Variants in LRRC4C observed in about 807,000 individuals in gnomAD.
LRRC4C encodes leucine rich repeat containing 4C, also known as leucine-rich repeat-containing protein 4C.
In LRRC4C, 5 loss-of-function variants were observed where a neutral mutation model predicts 33.6. That is an observed-to-expected ratio of 0.15 (90% CI 0.08 to 0.31). LRRC4C has a LOEUF of 0.31. Among genes scored for constraint, LRRC4C ranks in the 10% least tolerant of loss-of-function variants. LRRC4C has a pLI of 1.00. For missense variants in LRRC4C, 560 were observed against 796.7 expected, an observed-to-expected ratio of 0.70 and a Z score of 3.58; for synonymous variants, 329 against 302.0, an observed-to-expected ratio of 1.09 and a Z score of -0.93.
At chr11:40,471,386 G>T (rs1952927051) in intron 3 of LRRC4C, among the ~76,000 whole-genome samples, 1 of 152,096 alleles carries the variant, frequency 6.6e-6, no homozygotes, top group African/African-American at 2.4e-5. Context: ...CCTAAAGGAA[G>T]CACTAAATAT....
At chr11:41,050,754 G>A (rs549166418) in intron 1 of LRRC4C, among the ~76,000 whole-genome samples, 1 of 152,188 alleles carries the variant, frequency 6.6e-6, no homozygotes, top group African/African-American at 2.4e-5. Context: ...GTAAACATAC[G>A]TGTGCATGTG....
At chr11:41,367,726 G>T (rs1335728171) in intron 1 of LRRC4C, among the ~76,000 whole-genome samples, 1 of 152,012 alleles carries the variant, frequency 6.6e-6, no homozygotes, top group Non-Finnish European at 1.5e-5. Context: ...TCTGACTGAA[G>T]CATGCATTCT....
At chr11:41,253,524 C>A (rs1252795484) in intron 1 of LRRC4C, among the ~76,000 whole-genome samples, 1 of 152,050 alleles carries the variant, frequency 6.6e-6, no homozygotes, top group African/African-American at 2.4e-5. Context: ...TTTACAAGAA[C>A]CACTGTGATA....
chr11:41,237,041 G>A (rs1948055115), intron 1 of LRRC4C, among the ~76,000 whole-genome samples: 1 of 152,196 alleles, frequency 6.6e-6, no homozygotes, highest in Non-Finnish European at 1.5e-5. Context: ...TACAGTGCTT[G>A]CTCATAAAGA....
At chr11:40,283,844 A>G (rs1420658288) in intron 4 of LRRC4C, among the ~76,000 whole-genome samples, 1 of 151,836 alleles carries the variant, frequency 6.6e-6, no homozygotes, top group Non-Finnish European at 1.5e-5. Context: ...TGCTGGGACT[A>G]TAGGCACGTG....
intron 2 of LRRC4C, among the ~76,000 whole-genome samples, chr11:40,808,628 C>T (rs770563682): frequency 2.0e-5 from 3 of 152,172 alleles, no homozygotes; most frequent in Non-Finnish European, 2.9e-5. Flanking sequence ...ACTGCCCTGA[C>T]TTGCCTCACT....
intron 3 of LRRC4C, among the ~76,000 whole-genome samples, chr11:40,361,224 T>C (rs970192339): frequency 1.3e-5 from 2 of 152,208 alleles, no homozygotes; most frequent in Non-Finnish European, 2.9e-5. Flanking sequence ...CTATTTAACA[T>C]AGTATTGGAA....
chr11:40,783,542 C>CA (rs943363527), intron 2 of LRRC4C, among the ~76,000 whole-genome samples: 3 of 151,594 alleles, frequency 2.0e-5, no homozygotes, highest in African/African-American at 7.3e-5. Flanking sequence ...CCCCTGACCT[C>CA]AAGTGATCTA....
At chr11:40,328,132 T>C (rs997911463) in intron 3 of LRRC4C, among the ~76,000 whole-genome samples, 1 of 152,178 alleles carries the variant, frequency 6.6e-6, no homozygotes, top group Admixed American at 6.5e-5. Context: ...TGAGAACATT[T>C]ATACCCAAAC....
chr11:40,789,324 C>T (rs879059060), intron 2 of LRRC4C, among the ~76,000 whole-genome samples: 1 of 152,096 alleles, frequency 6.6e-6, no homozygotes, highest in Admixed American at 6.5e-5. Context: ...AGTTGAGTTT[C>T]TCTTCATTGA....
At chr11:41,279,216 G>A (rs1279141361) in intron 1 of LRRC4C, among the ~76,000 whole-genome samples, 1 of 152,022 alleles carries the variant, frequency 6.6e-6, no homozygotes, top group Non-Finnish European at 1.5e-5. Flanking sequence ...CCATTGATGG[G>A]CATCTAGGTT....
chr11:40,746,907 C>T (rs766495321), intron 2 of LRRC4C, among the ~76,000 whole-genome samples: 3 of 152,186 alleles, frequency 2.0e-5, no homozygotes, highest in South Asian at 4.1e-4. Flanking sequence ...TGCTCAGGAG[C>T]CAGAGGGTCA....
chr11:40,630,598 A>G (rs1312241549), intron 3 of LRRC4C, among the ~76,000 whole-genome samples: 1 of 152,090 alleles, frequency 6.6e-6, no homozygotes, highest in Non-Finnish European at 1.5e-5. Context: ...AGGTTAAATA[A>G]ATTATCTGAG....
intron 3 of LRRC4C, among the ~76,000 whole-genome samples, chr11:40,456,488 G>GA (rs1007943602): frequency 6.6e-6 from 1 of 151,034 alleles, no homozygotes; most frequent in African/African-American, 2.4e-5. Flanking sequence ...TACAGAGCAA[G>GA]AAAAAAAAGT....
rs556590618 is a variant in LRRC4C, at chr11:40,271,887, G to A, written c.-175-30289C>T. Among the ~76,000 whole-genome samples the A allele has an allele frequency of 3.4e-4, 51 of 152,202 alleles. 1 individual carries two copies. In the South Asian group the frequency reaches 0.011, roughly 32 times the overall value. ...TTTTCACAAATTGAATTGAACCAGAGTGAGCAGGCCACTTGTGGTATCTCC... is the reference window on the plus strand; with the variant it reads ...TTTTCACAAATTGAATTGAACCAGAATGAGCAGGCCACTTGTGGTATCTCC... On this transcript the variant is annotated intron_variant, in intron 4 of 6. Transcript: ENST00000528697.
At chr11:40,669,447 T>C (rs1488026216) in intron 2 of LRRC4C, among the ~76,000 whole-genome samples, 3 of 152,224 alleles carry the variant, frequency 2.0e-5, no homozygotes, top group African/African-American at 7.2e-5. Context: ...CATAGACAGC[T>C]GATGTTTCAA....
chr11:40,895,881 T>C (rs1004878120), intron 2 of LRRC4C, among the ~76,000 whole-genome samples: 2 of 152,162 alleles, frequency 1.3e-5, no homozygotes, highest in African/African-American at 4.8e-5. Context: ...GGGCTGTCTC[T>C]GAAATTTCAG....
intron 3 of LRRC4C, among the ~76,000 whole-genome samples, chr11:40,517,293 G>T (rs192339533): frequency 7.8e-4 from 119 of 152,238 alleles, no homozygotes; most frequent in Middle Eastern, 3.4e-3. Flanking sequence ...GAAACAAAAA[G>T]AGGTTCAATC....
chr11:40,651,186 A>AT (rs1430813934), intron 2 of LRRC4C, among the ~76,000 whole-genome samples: 2 of 152,068 alleles, frequency 1.3e-5, no homozygotes, highest in African/African-American at 4.8e-5. Context: ...GTCTTTGTAA[A>AT]TTTTTTCTCA....
Sources: allele counts gnomAD v4.1 joint callset (sites outside exome capture counted in the v4.1 genomes callset), GRCh38; gene constraint gnomAD v4.1.1; transcripts MANE v1.5; gene names NCBI Gene and HGNC (gene_info 2026-07-23, HGNC 2026-07-21).